Variants in DCLRE1C observed in about 807,000 individuals in gnomAD.
DCLRE1C encodes protein artemis.
In DCLRE1C, 47 loss-of-function variants were observed where a neutral mutation model predicts 61.4. The observed-to-expected ratio is 0.77, with a 90% CI of 0.61 to 0.98. DCLRE1C has a LOEUF of 0.98. Among genes scored for constraint, DCLRE1C ranks in the 50% least tolerant of loss-of-function variants. The pLI is 0.00. For synonymous variants in DCLRE1C, 337 were observed against 287.6 expected (o/e 1.17, Z -1.74); for missense variants, 858 against 816.0 (o/e 1.05, Z -0.63).
chr10:14,941,880 G>A (rs955470788), intron 3 of DCLRE1C, among the ~76,000 whole-genome samples: 1 of 152,130 alleles, frequency 6.6e-6, no homozygotes, highest in Non-Finnish European at 1.5e-5. Context: ...TTCAGCATCT[G>A]GGAGGGGCAT....
downstream of DCLRE1C, among the ~76,000 whole-genome samples, chr10:14,900,067 A>G (rs1472345819): frequency 6.6e-6 from 1 of 152,248 alleles, no homozygotes; most frequent in South Asian, 2.1e-4. Context: ...TTTAGGATGT[A>G]CAACTGAAGG....
At chr10:14,943,641 C>T (rs540552047) in intron 3 of DCLRE1C, among the ~76,000 whole-genome samples, 161 of 152,314 alleles carry the variant, frequency 1.1e-3, no homozygotes, top group African/African-American at 3.5e-3. Context: ...CAACCTCCGC[C>T]TCCCAGGTTC....
In DCLRE1C at chr10:14,932,821, A is replaced by G. The variant is rs755613005; in HGVS notation, c.780+33T>C. ...CTTTCTTCTTTTTCATAGATTACACAAACAATACGAGAGGAATCACTTGCA... is the reference window on the plus strand; with the variant it reads ...CTTTCTTCTTTTTCATAGATTACACGAACAATACGAGAGGAATCACTTGCA... On this transcript the variant is annotated intron_variant, in intron 9 of 13. Transcript: ENST00000378278. 3.1e-6 allele frequency: 5 copies of G among 1,610,106 alleles called. No individual in the cohort carries two copies. The Admixed American group carries it at 6.7e-5, about 21-fold the overall frequency.
intron 11 of DCLRE1C, among the ~76,000 whole-genome samples, chr10:14,926,287 A>C (rs890607957): frequency 6.6e-6 from 1 of 152,180 alleles, no homozygotes; most frequent in African/African-American, 2.4e-5. Context: ...AAGTCCACAA[A>C]GGATCACAAA....
Position 14,908,934 on chromosome 10 carries a change from G to A in DCLRE1C, c.1553C>T (p.Ser518Leu), listed in dbSNP as rs1013045171. 1.9e-6 allele frequency: 3 copies of A among 1,614,032 alleles called. No individual in the cohort carries two copies. Among genetic ancestry groups the A allele is most frequent in the African/African-American group, 1.3e-5 (1 of 74,926 alleles). ...PSSTVAGGSQ[S>L]PKLFSDSDGE... ...ATCAGAGTCACTGAAAAGCTTTGGT[G>A]ACTGAGATCCCCCTGCCACTGTGGA... The change falls in exon 14 of 14, where the codon TCA (serine) becomes TTA (leucine). Residue 518 changes from serine (S) to leucine (L), a missense_variant. Ser to Leu is a moderately radical substitution (Grantham distance 145). This residue lies in a region of DCLRE1C where 843 missense variants were observed against 783.5 expected (regional missense o/e 1.08). Transcript: ENST00000378278.
At chr10:14,902,181 C>T (rs1421985601), downstream of DCLRE1C, among the ~76,000 whole-genome samples, 4 of 152,150 alleles carry the variant, frequency 2.6e-5, no homozygotes, top group Non-Finnish European at 5.9e-5. Flanking sequence ...CCACACCATC[C>T]TTTCAAGACA....
At chr10:14,944,679 T>C (rs914558375) in intron 3 of DCLRE1C, among the ~76,000 whole-genome samples, 9 of 146,694 alleles carry the variant, frequency 6.1e-5, no homozygotes, top group African/African-American at 1.0e-4. Flanking sequence ...TTTTCTTTTT[T>C]TTTTTTTTTT....
intron 11 of DCLRE1C, among the ~76,000 whole-genome samples, chr10:14,926,626 C>A (rs1838023229): frequency 6.7e-6 from 1 of 149,572 alleles, no homozygotes; most frequent in South Asian, 2.1e-4. Context: ...TGTACCCCAA[C>A]CTGGGCGACA....
At chr10:14,935,205 G>A (rs1330370597) in intron 6 of DCLRE1C, among the ~76,000 whole-genome samples, 1 of 151,760 alleles carries the variant, frequency 6.6e-6, no homozygotes, top group Non-Finnish European at 1.5e-5. Flanking sequence ...AGTGGCTCAT[G>A]CCTGTAATCC....
intron 13 of DCLRE1C, chr10:14,911,389 C>T (rs146242165): frequency 1.3e-5 from 2 of 152,272 alleles, no homozygotes; most frequent in Non-Finnish European, 2.9e-5. Flanking sequence ...TAACCACATG[C>T]CAGAACAAAG....
At chr10:14,949,255 C>T (rs1842115657) in intron 1 of DCLRE1C, among the ~76,000 whole-genome samples, 168 bp from the exon 2 acceptor site, 1 of 152,196 alleles carries the variant, frequency 6.6e-6, no homozygotes, top group South Asian at 2.1e-4. Flanking sequence ...AGTGAAGAAT[C>T]CTCCTCAGAA....
At chr10:14,927,961 A>G (rs1367907455) in intron 10 of DCLRE1C, 55 bp downstream of exon 10, 174 of 1,574,808 alleles carry the variant, frequency 1.1e-4, no homozygotes, top group Non-Finnish European at 1.1e-4. Flanking sequence ...ATGAAATTAA[A>G]TCAGACAATT....
intron 13 of DCLRE1C, among the ~76,000 whole-genome samples, chr10:14,919,143 A>G (rs1488149472): frequency 6.6e-6 from 1 of 152,172 alleles, no homozygotes; most frequent in Non-Finnish European, 1.5e-5. Flanking sequence ...AGGAATGAAA[A>G]TCAAGAATCC....
intron 2 of DCLRE1C, among the ~76,000 whole-genome samples, chr10:14,945,909 C>T: frequency 6.6e-6 from 1 of 150,456 alleles, no homozygotes; most frequent in Admixed American, 6.6e-5. Context: ...CCACCCACCT[C>T]GGCCTCCCAA....
chr10:14,954,007 TCATAGCG>T lies in DCLRE1C; in HGVS notation c.-4_3del. On this transcript the variant is annotated start_lost and 5_prime_UTR_variant, in exon 1 of 14. Coordinates refer to ENST00000378278, the MANE Select transcript of DCLRE1C (RefSeq NM_001033855.3). ...TCGGCCATCTGCCCCTCGAAAGAAC[TCATAGCG>T]CCGCCGATCCCAGAGTCCGGGACCC... is the stretch of plus-strand genomic sequence containing the variant. 3 of 1,613,948 alleles carry T rather than the reference TCATAGCG, an allele frequency of 1.9e-6. No homozygotes were observed. The highest frequency in any genetic ancestry group is 2.5e-6 in the Non-Finnish European group (3 of 1,179,900).
chr10:14,927,622 G>A (rs60386788), intron 10 of DCLRE1C, among the ~76,000 whole-genome samples: 20,853 of 146,534 alleles, frequency 0.14, 1,612 homozygotes, highest in Middle Eastern at 0.2. Flanking sequence ...GGAGAGGGAG[G>A]GAGGGAGGGA....
chr10:14,901,036 T>G, downstream of DCLRE1C: 2 of 1,485,724 alleles, frequency 1.3e-6, no homozygotes, highest in Non-Finnish European at 1.8e-6. Context: ...CAGTGGAACT[T>G]AAACTAAATC....
downstream of DCLRE1C, among the ~76,000 whole-genome samples, chr10:14,901,444 C>G (rs985566614): frequency 6.6e-6 from 1 of 152,194 alleles, no homozygotes; most frequent in African/African-American, 2.4e-5. Context: ...CCAGGTCTGC[C>G]TGAGCTTCAG....
downstream of DCLRE1C, among the ~76,000 whole-genome samples, chr10:14,901,560 T>TA (rs1242478272): frequency 2.0e-5 from 3 of 151,910 alleles, no homozygotes; most frequent in South Asian, 4.2e-4. Flanking sequence ...TTTTTTTTTT[T>TA]AAATTGTGGG....
Sources: gnomAD v4.1 joint callset for allele counts (sites outside exome capture counted in the v4.1 genomes callset) on GRCh38, gnomAD v4.1.1 for gene constraint, gnomAD v4.1.1 regional missense constraint, MANE v1.5 for transcripts, NCBI Gene and HGNC (gene_info 2026-07-23, HGNC 2026-07-21) for gene names.